The following TM2D3 variants were observed in gnomAD, a reference collection of about 807,000 sequenced individuals.
TM2D3 encodes the protein TM2 domain-containing protein 3.
A neutral mutation model predicts 27.3 loss-of-function variants in TM2D3; 33 were observed. The ratio of observed to expected loss-of-function variants is 1.21; its 90% CI spans 0.92 to 1.61. TM2D3 has a LOEUF of 1.61. Among genes scored for constraint, TM2D3 ranks in the 40% most tolerant of loss-of-function variants. The probability of loss-of-function intolerance (pLI) is 0.00; values close to 1 mark genes in which losing one functional copy is unlikely to be tolerated. For synonymous variants in TM2D3, 138 were observed against 122.2 expected (o/e 1.13, Z -0.85); for missense variants, 364 against 320.8 (o/e 1.13, Z -1.03).
chr15:101,651,864 G>A, intron 1 of TM2D3, 91 bp from the exon 2 acceptor site: 1 of 1,330,550 alleles, frequency 7.5e-7, no homozygotes. Flanking sequence ...GTCTACACCA[G>A]GCCAATAAGC....
At chr15:101,651,521 G>A in intron 2 of TM2D3, 175 bp downstream of exon 2, 1 of 597,966 alleles carries the variant, frequency 1.7e-6, no homozygotes, top group Non-Finnish European at 2.9e-6. Context: ...GTATAAATAC[G>A]AAGACTATCT....
At chr15:101,646,245 C>T (rs1896802356) in intron 4 of TM2D3, 2 of 156,818 alleles carry the variant, frequency 1.3e-5, no homozygotes, top group African/African-American at 4.8e-5. Context: ...GAGCACACAG[C>T]CTGAAATCAT....
chr15:101,649,711 T>C (rs948295785), intron 3 of TM2D3, among the ~76,000 whole-genome samples: 3 of 152,232 alleles, frequency 2.0e-5, no homozygotes, highest in Non-Finnish European at 4.4e-5. Flanking sequence ...TTGCTTCAGA[T>C]ATGCTAGTAG....
chr15:101,652,023 C>G (rs1014306487), intron 1 of TM2D3: 1 of 580,448 alleles, frequency 1.7e-6, no homozygotes, highest in South Asian at 2.1e-5. Flanking sequence ...GCCCAGCCCC[C>G]AAGCGCTCCA....
At chr15:101,641,248 T>C (rs186525043), downstream of TM2D3, among the ~76,000 whole-genome samples, 9 of 152,038 alleles carry the variant, frequency 5.9e-5, no homozygotes, top group African/African-American at 2.2e-4. Context: ...GAAGAACTGC[T>C]CATGCTCTGT....
chr15:101,637,765 CG>C (rs1896581050), downstream of TM2D3, among the ~76,000 whole-genome samples: 1 of 152,104 alleles, frequency 6.6e-6, no homozygotes. Context: ...TAGAGACAGG[CG>C]TAACTACGTT....
chr15:101,641,789 AAGGT>A, downstream of TM2D3: 1 of 601,972 alleles, frequency 1.7e-6, no homozygotes, highest in Non-Finnish European at 2.1e-6. Context: ...CTTAACAATA[AAGGT>A]AAGTTGTAAT....
chr15:101,642,853 A>AT (rs1342924001), intron 5 of TM2D3, among the ~76,000 whole-genome samples: 2 of 152,230 alleles, frequency 1.3e-5, no homozygotes, highest in South Asian at 2.1e-4. Context: ...TAAACATACA[A>AT]TTTTTAGCTG....
At chr15:101,638,805 GTTTATCA>G (rs928480888), downstream of TM2D3, among the ~76,000 whole-genome samples, 3 of 152,152 alleles carry the variant, frequency 2.0e-5, no homozygotes, top group Non-Finnish European at 4.4e-5. Context: ...CCTACAGTGT[GTTTATCA>G]TTTAAGTATT....
In TM2D3 at chr15:101,651,981, G is replaced by A. The variant is rs945433574; in HGVS notation, c.92-208C>T. On this transcript the variant is annotated intron_variant, in intron 1 of 5. Coordinates refer to ENST00000333202, the MANE Select transcript of TM2D3 (RefSeq NM_078474.3). ...GGTCAGCCGGCAACGAGGGACCGAA[G>A]GATGACATCGCGCTCCAGTTCCGCC... 3.8e-5 allele frequency: 23 copies of A among 599,122 alleles called. 1 individual carries two copies. The African/African-American group carries it at 4.0e-4, about 10-fold the overall frequency. 37.1% of individuals were successfully genotyped at this position (599,122 alleles called of 1,614,324 possible).
chr15:101,634,288 G>C (rs1183046484), intron 4 of TM2D3: 1 of 152,340 alleles, frequency 6.6e-6, no homozygotes, highest in African/African-American at 2.4e-5. Context: ...ACAAAAATTA[G>C]CCAGGTGTGG....
intron 2 of TM2D3, chr15:101,650,450 G>T: frequency 4.0e-6 from 1 of 251,120 alleles, no homozygotes; most frequent in Non-Finnish European, 7.5e-6. Flanking sequence ...AAAATTCTGG[G>T]TATACATTAA....
At chr15:101,635,783 C>T (rs550444046) in intron 4 of TM2D3, 40 of 152,254 alleles carry the variant, frequency 2.6e-4, no homozygotes, top group African/African-American at 9.1e-4. Context: ...TGAAGAAATA[C>T]GCTTAAGTGT....
chr15:101,651,155 G>C (rs1896956644), intron 2 of TM2D3: 1 of 153,068 alleles, frequency 6.5e-6, no homozygotes, highest in Non-Finnish European at 1.5e-5. Flanking sequence ...CTGGAAGGTG[G>C]ACACTTAGAA....
intron 5 of TM2D3, among the ~76,000 whole-genome samples, chr15:101,644,655 G>A (rs565749953): frequency 2.6e-5 from 4 of 152,174 alleles, no homozygotes; most frequent in Admixed American, 2.0e-4. Context: ...ACATTTCTAT[G>A]TAAGAAATAT....
chr15:101,650,353 G>A, intron 2 of TM2D3, 192 bp from the exon 3 acceptor site: 1 of 512,988 alleles, frequency 1.9e-6, no homozygotes, highest in East Asian at 3.2e-5. Flanking sequence ...GGGACCTGGT[G>A]AGCACCACAC....
intron 4 of TM2D3, chr15:101,646,180 G>A (rs1209206382): frequency 6.5e-6 from 1 of 153,172 alleles, no homozygotes; most frequent in East Asian, 1.9e-4. Flanking sequence ...AAGAAGAGAA[G>A]TCACGTGGAT....
At chr15:101,638,242 G>T (rs1305076684), downstream of TM2D3, among the ~76,000 whole-genome samples, 1 of 151,078 alleles carries the variant, frequency 6.6e-6, no homozygotes, top group Non-Finnish European at 1.5e-5. Flanking sequence ...GAAAGATATA[G>T]ATACCTCTCT....
downstream of TM2D3, among the ~76,000 whole-genome samples, chr15:101,637,581 T>TGCAACTCCCCAGCCCCTTAGATA (rs1896577083): frequency 2.0e-5 from 3 of 152,096 alleles, no homozygotes; most frequent in South Asian, 2.1e-4. Context: ...TTTTATAAGG[T>TGCAACTCCCCAGCCCCTTAGATA]GCAACTCCCC....
Sources: allele counts gnomAD v4.1 joint callset (sites outside exome capture counted in the v4.1 genomes callset), GRCh38; gene constraint gnomAD v4.1.1; transcripts MANE v1.5; gene names NCBI Gene and HGNC (gene_info 2026-07-23, HGNC 2026-07-21).